The following HSD17B2 variants were observed in gnomAD, a reference collection of about 807,000 sequenced individuals.
HSD17B2 encodes hydroxysteroid 17-beta dehydrogenase 2, also known as 17-beta-hydroxysteroid dehydrogenase type 2.
Under a neutral mutation model 26.9 loss-of-function variants are expected in HSD17B2, and 32 were observed. That is an observed-to-expected ratio of 1.19 (90% CI 0.90 to 1.60). The LOEUF is 1.60. Ranked by LOEUF, HSD17B2 falls within the 40% of genes most tolerant of loss-of-function variation. The pLI, the probability that HSD17B2 is intolerant of heterozygous loss-of-function variation, is 0.00. For synonymous variants in HSD17B2, 246 were observed against 186.7 expected (o/e 1.32, Z -2.59); for missense variants, 613 against 468.6 (o/e 1.31, Z -2.85).
chr16:82,082,128 C>T (rs7196807), intron 3 of HSD17B2, among the ~76,000 whole-genome samples: 45,050 of 152,082 alleles, frequency 0.3, 7,225 homozygotes, highest in Non-Finnish European at 0.36. Flanking sequence ...ACCTCATTAA[C>T]CCATTAAAGT....
At chr16:82,088,392 G>T (rs1597138898) in intron 3 of HSD17B2, among the ~76,000 whole-genome samples, 1 of 152,282 alleles carries the variant, frequency 6.6e-6, no homozygotes, top group Admixed American at 6.5e-5. Flanking sequence ...ATCCTATGAT[G>T]CATGGACCAT....
intron 1 of HSD17B2, among the ~76,000 whole-genome samples, chr16:82,067,026 T>C (rs979497329): frequency 2.0e-5 from 3 of 152,232 alleles, no homozygotes; most frequent in African/African-American, 7.2e-5. Flanking sequence ...CTGGTGGATT[T>C]TAGTCCTGCA....
intron 4 of HSD17B2, 49 bp from the exon 5 acceptor site, chr16:82,098,026 C>T (rs745349176): frequency 6.4e-7 from 1 of 1,556,672 alleles, no homozygotes; most frequent in Non-Finnish European, 8.7e-7. Context: ...TGCTCCCTGA[C>T]TTCCTTGGCC....
chr16:82,035,262 G>T lies in HSD17B2; in HGVS notation c.-163G>T. 3.2e-6 allele frequency: 2 copies of T among 625,170 alleles called. No individual in the cohort carries two copies. The highest frequency in any genetic ancestry group is 5.5e-6 in the Non-Finnish European group (2 of 361,726). 38.7% of individuals were successfully genotyped at this position (625,170 alleles called of 1,614,324 possible). On this transcript the variant is annotated 5_prime_UTR_variant, in exon 1 of 5. Transcript: ENST00000199936. ...CACACTGGTTTAAATTACCCACTGG[G>T]AATATGATTATGCTTAATCTATGCT...
At chr16:82,038,601 T>C (rs182086895) in intron 1 of HSD17B2, among the ~76,000 whole-genome samples, 30 of 152,290 alleles carry the variant, frequency 2.0e-4, no homozygotes, top group African/African-American at 6.3e-4. Flanking sequence ...ACCAACACGA[T>C]TGTAATAACA....
chr16:82,085,792 C>A (rs767531252), intron 3 of HSD17B2, among the ~76,000 whole-genome samples: 3 of 152,026 alleles, frequency 2.0e-5, no homozygotes, highest in Non-Finnish European at 2.9e-5. Context: ...CGGTACTAAT[C>A]CCCGGACCAC....
intron 1 of HSD17B2, among the ~76,000 whole-genome samples, chr16:82,054,369 G>C (rs76457856): frequency 0.02 from 3,050 of 151,660 alleles, 118 homozygotes; most frequent in African/African-American, 0.07. Context: ...TTTTGGGACA[G>C]AGTCTCGCTG....
intron 1 of HSD17B2, among the ~76,000 whole-genome samples, chr16:82,059,976 T>A (rs1914386966): frequency 6.6e-6 from 1 of 152,164 alleles, no homozygotes; most frequent in Non-Finnish European, 1.5e-5. Context: ...ACCCGACAAC[T>A]GTTATCCGTT....
chr16:82,059,275 G>A (rs1914363912), intron 1 of HSD17B2, among the ~76,000 whole-genome samples: 1 of 152,214 alleles, frequency 6.6e-6, no homozygotes, highest in Non-Finnish European at 1.5e-5. Flanking sequence ...GATGTTGGCT[G>A]GCAGATGTTG....
chr16:82,090,484 A>G (rs1024744086), intron 3 of HSD17B2, among the ~76,000 whole-genome samples: 11 of 151,618 alleles, frequency 7.3e-5, no homozygotes, highest in Non-Finnish European at 1.3e-4. Context: ...ACGCCTGGCT[A>G]ATTTTTGTGT....
intron 4 of HSD17B2, chr16:82,093,063 G>C (rs1341489327): frequency 1.3e-5 from 2 of 151,984 alleles, no homozygotes; most frequent in Non-Finnish European, 2.9e-5. Context: ...TACTGATGTT[G>C]ATCTTAATTT....
intron 3 of HSD17B2, among the ~76,000 whole-genome samples, chr16:82,073,853 T>G (rs959558322): frequency 6.6e-6 from 1 of 152,106 alleles, no homozygotes; most frequent in Admixed American, 6.5e-5. Context: ...AAAAAAGATT[T>G]AAAAATTAAT....
chr16:82,068,124 G>C (rs984499333), intron 1 of HSD17B2, 46 bp from the exon 2 acceptor site: 21 of 1,482,470 alleles, frequency 1.4e-5, no homozygotes, highest in African/African-American at 2.8e-5. Flanking sequence ...ATTTTCTCCT[G>C]TCACTCTGGT....
chr16:82,046,897 T>C lies in HSD17B2; in HGVS notation c.265+11208T>C, dbSNP rs1157041413. 2.0e-5 allele frequency among the ~76,000 whole-genome samples: 3 copies of C among 152,190 alleles called. No individual in the cohort carries two copies. In the East Asian group the frequency reaches 5.8e-4, roughly 29 times the overall value. ...GTAATTGGCAGTGCTGGAATTCAAA[T>C]GCAGGTCTTTTAGCTCAAGAAGATA... On this transcript the variant is annotated intron_variant, in intron 1 of 4. Transcript: ENST00000199936.
intron 3 of HSD17B2, among the ~76,000 whole-genome samples, chr16:82,088,356 A>C (rs1904587730): frequency 6.6e-6 from 1 of 152,192 alleles, no homozygotes; most frequent in South Asian, 2.1e-4. Flanking sequence ...CTATTCTAAT[A>C]TATTATTAAT....
At position 82,035,423 on chromosome 16, in the gene HSD17B2, G is replaced by C. The variant is rs1456046099; in HGVS notation, c.-2G>C. 3 of 1,609,486 alleles carry C rather than the reference G, an allele frequency of 1.9e-6. No individual in the cohort carries two copies. The highest frequency in any genetic ancestry group is 2.7e-5 in the African/African-American group (2 of 74,956). On this transcript the variant is annotated 5_prime_UTR_variant, in exon 1 of 5. Coordinates refer to ENST00000199936, the MANE Select transcript of HSD17B2 (RefSeq NM_002153.3). Reference sequence around the variant, plus strand: ...ACTTGAAGGTGCAGCAAGTCACTGAGAATGAGCACTTTCTTCTCGGACACA... The same window carrying C: ...ACTTGAAGGTGCAGCAAGTCACTGACAATGAGCACTTTCTTCTCGGACACA...
At chr16:82,084,972 T>C (rs1904483883) in intron 3 of HSD17B2, among the ~76,000 whole-genome samples, 1 of 152,232 alleles carries the variant, frequency 6.6e-6, no homozygotes, top group Admixed American at 6.5e-5. Flanking sequence ...AATCCTCTTG[T>C]CTTGGCCTCC....
At chr16:82,086,076 G>GT (rs1435100128) in intron 3 of HSD17B2, among the ~76,000 whole-genome samples, 2 of 152,110 alleles carry the variant, frequency 1.3e-5, no homozygotes, top group Non-Finnish European at 2.9e-5. Flanking sequence ...CAGTTCCCCA[G>GT]TAAGTTAAAC....
At chr16:82,063,199 G>C (rs1445723695) in intron 1 of HSD17B2, 7 of 152,184 alleles carry the variant, frequency 4.6e-5, no homozygotes, top group African/African-American at 1.7e-4. Context: ...AAGATGTTCA[G>C]CTGACAGTCA....
Sources: gnomAD v4.1 joint callset for allele counts (sites outside exome capture counted in the v4.1 genomes callset) on GRCh38, gnomAD v4.1.1 for gene constraint, MANE v1.5 for transcripts, NCBI Gene and HGNC (gene_info 2026-07-23, HGNC 2026-07-21) for gene names.